Variants in SORCS1 observed in about 807,000 individuals in gnomAD.
SORCS1 encodes the protein sortilin related VPS10 domain containing receptor 1.
SORCS1 carries 60 observed loss-of-function variants against 146.1 expected under a neutral mutation model. The ratio of observed to expected loss-of-function variants is 0.41; its 90% CI spans 0.33 to 0.51. The LOEUF (loss-of-function observed/expected upper bound fraction) is 0.51. Ranked by LOEUF, SORCS1 falls within the 20% of genes least tolerant of loss-of-function variation. The pLI is 0.21. For synonymous variants in SORCS1, 637 were observed against 584.0 expected (o/e 1.09, Z -1.31); for missense variants, 1,352 against 1,487.6 (o/e 0.91, Z 1.50).
intron 2 of SORCS1, among the ~76,000 whole-genome samples, chr10:106,910,945 C>A (rs1952120963): frequency 6.6e-6 from 1 of 152,294 alleles, no homozygotes; most frequent in Non-Finnish European, 1.5e-5. Flanking sequence ...ATCCACGTTT[C>A]AACTATGATA....
At chr10:106,938,675 T>G (rs1407862694) in intron 2 of SORCS1, among the ~76,000 whole-genome samples, 1 of 152,210 alleles carries the variant, frequency 6.6e-6, no homozygotes, top group Non-Finnish European at 1.5e-5. Flanking sequence ...AGTAACAGTT[T>G]TGCGGTTCTG....
chr10:106,840,511 T>G (rs1376190762), intron 2 of SORCS1, among the ~76,000 whole-genome samples: 3 of 152,090 alleles, frequency 2.0e-5, no homozygotes, highest in Non-Finnish European at 4.4e-5. Flanking sequence ...CCGGTGAATG[T>G]GGTGTAAACA....
At chr10:106,862,496 T>TG (rs1252811095) in intron 2 of SORCS1, among the ~76,000 whole-genome samples, 1 of 152,182 alleles carries the variant, frequency 6.6e-6, no homozygotes, top group East Asian at 1.9e-4. Flanking sequence ...CTTCAATGTT[T>TG]TTTTTAAGTG....
intron 2 of SORCS1, among the ~76,000 whole-genome samples, chr10:106,833,927 G>A (rs1392806594): frequency 1.3e-5 from 2 of 152,150 alleles, no homozygotes; most frequent in African/African-American, 2.4e-5. Context: ...CCGAGTAGCT[G>A]GGACTACAGG....
At position 107,046,448 on chromosome 10, in the gene SORCS1, A is replaced by G. The variant is rs1355197374; in HGVS notation, c.559-89868T>C. ...AAATACATGTAATATATATTTCTGTACTACTAATAATATATCTATATAAAT... is the reference window on the plus strand; with the variant it reads ...AAATACATGTAATATATATTTCTGTGCTACTAATAATATATCTATATAAAT... On this transcript the variant is annotated intron_variant, in intron 1 of 25. Transcript: ENST00000263054. Among the ~76,000 whole-genome samples, 3 of 151,994 alleles carry G rather than the reference A, an allele frequency of 2.0e-5. No individual in the cohort carries two copies. The East Asian group carries it at 5.8e-4, about 29-fold the overall frequency.
At chr10:106,776,739 T>C (rs1401766797) in intron 3 of SORCS1, 47 bp from the exon 4 acceptor site, 2 of 1,582,224 alleles carry the variant, frequency 1.3e-6, no homozygotes, top group Admixed American at 1.8e-5. Flanking sequence ...AAATTAAGTT[T>C]ACAAATTTGC....
chr10:106,793,046 G>C (rs1946392914), intron 3 of SORCS1, among the ~76,000 whole-genome samples: 1 of 151,860 alleles, frequency 6.6e-6, no homozygotes, highest in Non-Finnish European at 1.5e-5. Context: ...CTTAAGACTT[G>C]GGATTAAATA....
intron 1 of SORCS1, among the ~76,000 whole-genome samples, chr10:107,107,898 A>G (rs933588628): frequency 2.1e-4 from 32 of 152,360 alleles, no homozygotes; most frequent in Admixed American, 2.0e-3. Context: ...GTACATTGGC[A>G]GACAGGCCAG....
intron 1 of SORCS1, among the ~76,000 whole-genome samples, chr10:107,087,758 A>G (rs930141031): frequency 6.6e-6 from 1 of 152,224 alleles, no homozygotes; most frequent in African/African-American, 2.4e-5. Context: ...TGTGGCAAAG[A>G]TGGAATTAAT....
intron 1 of SORCS1, among the ~76,000 whole-genome samples, chr10:107,098,821 T>G (rs1420071810): frequency 2.0e-5 from 3 of 152,322 alleles, no homozygotes; most frequent in African/African-American, 7.2e-5. Flanking sequence ...AAAACACATA[T>G]TAATATTCCC....
At chr10:106,633,767 TC>T (rs1485779521) in intron 18 of SORCS1, among the ~76,000 whole-genome samples, 3 of 152,314 alleles carry the variant, frequency 2.0e-5, no homozygotes, top group African/African-American at 7.2e-5. Flanking sequence ...AATCAGTGAT[TC>T]TGGGCCTTTG....
intron 1 of SORCS1, among the ~76,000 whole-genome samples, chr10:106,978,553 AC>A (rs1180853720): frequency 6.6e-6 from 1 of 152,108 alleles, no homozygotes; most frequent in African/African-American, 2.4e-5. Context: ...TAATCCCAGC[AC>A]TTTGGGAGGC....
At chr10:106,980,598 T>C (rs74152289) in intron 1 of SORCS1, among the ~76,000 whole-genome samples, 7,537 of 152,268 alleles carry the variant, frequency 0.049, 612 homozygotes, top group African/African-American at 0.17. Flanking sequence ...CACCCTGGCT[T>C]AGAAATTTTT....
At chr10:106,986,149 A>G (rs1258305717) in intron 1 of SORCS1, among the ~76,000 whole-genome samples, 1 of 152,090 alleles carries the variant, frequency 6.6e-6, no homozygotes, top group Non-Finnish European at 1.5e-5. Context: ...CTGTATATCT[A>G]TCTTAAATGA....
chr10:106,702,592 G>A (rs1248974003), intron 8 of SORCS1, among the ~76,000 whole-genome samples: 1 of 152,114 alleles, frequency 6.6e-6, no homozygotes, highest in East Asian at 1.9e-4. Flanking sequence ...AGATTAAAAT[G>A]GCCATCTCTA....
chr10:106,962,848 C>T (rs1227893331), intron 1 of SORCS1, among the ~76,000 whole-genome samples: 4 of 152,134 alleles, frequency 2.6e-5, no homozygotes, highest in African/African-American at 7.2e-5. Flanking sequence ...GCATGTTGGG[C>T]GGTGCTGATG....
At chr10:106,788,951 G>A (rs1253456554) in intron 3 of SORCS1, among the ~76,000 whole-genome samples, 1 of 152,222 alleles carries the variant, frequency 6.6e-6, no homozygotes, top group African/African-American at 2.4e-5. Flanking sequence ...TCAAACTTCT[G>A]TCAAGACATC....
intron 2 of SORCS1, among the ~76,000 whole-genome samples, chr10:106,924,461 T>TTTATC (rs1554885214): frequency 1.6e-5 from 2 of 125,598 alleles, no homozygotes; most frequent in Non-Finnish European, 3.5e-5. Context: ...AATTCCACAG[T>TTTATC]TATCGATCTA....
At chr10:106,820,999 G>A (rs1307895877) in intron 3 of SORCS1, among the ~76,000 whole-genome samples, 1 of 152,166 alleles carries the variant, frequency 6.6e-6, no homozygotes, top group East Asian at 1.9e-4. Flanking sequence ...AAGGACAGAT[G>A]ATGAGACAAA....
Sources: gnomAD v4.1 joint callset for allele counts (sites outside exome capture counted in the v4.1 genomes callset) on GRCh38, gnomAD v4.1.1 for gene constraint, MANE v1.5 for transcripts, NCBI Gene and HGNC (gene_info 2026-07-23, HGNC 2026-07-21) for gene names.